Variants in TBCCD1 observed in about 807,000 individuals in gnomAD.
The protein encoded by TBCCD1 is TBCC domain-containing protein 1.
In TBCCD1, 26 loss-of-function variants were observed where a neutral mutation model predicts 53.4. That is an observed-to-expected ratio of 0.49 (90% CI 0.36 to 0.68). The LOEUF is 0.68. Among genes scored for constraint, TBCCD1 ranks in the 30% least tolerant of loss-of-function variants. The probability of loss-of-function intolerance (pLI) is 0.00; values close to 1 mark genes in which losing one functional copy is unlikely to be tolerated. For missense variants in TBCCD1, 558 were observed against 669.5 expected (o/e 0.83, Z 1.84); for synonymous variants, 245 against 241.7 (o/e 1.01, Z -0.13).
chr3:186,552,637 T>C (rs1714414115), intron 6 of TBCCD1, among the ~76,000 whole-genome samples: 1 of 152,210 alleles, frequency 6.6e-6, no homozygotes, highest in Admixed American at 6.5e-5. Flanking sequence ...CACACATTAC[T>C]CTCACTTCCA....
chr3:186,563,962 GTAAT>G, intron 2 of TBCCD1, 28 bp downstream of exon 2: 1 of 1,513,588 alleles, frequency 6.6e-7, no homozygotes, highest in Non-Finnish European at 8.8e-7. Flanking sequence ...CTTTCCAAAA[GTAAT>G]TAAGTATACA....
chr3:186,554,559 T>C lies in TBCCD1; in HGVS notation c.1239A>G (p.Thr413=), dbSNP rs1714472641. 6.2e-7 allele frequency: 1 copy of C among 1,614,232 alleles called. No individual in the cohort carries two copies. Among genetic ancestry groups the C allele is most frequent in the Non-Finnish European group, 8.5e-7 (1 of 1,180,040 alleles). ...GTGTATGAAAAGGGGCAAAAGTTAC[T>C]GTCTGGTTCCCAGAGAGAATAAGTG... ...TRPLILSGNQ[T]VTFAPFHTHY... is the part of the protein sequence containing the mutation. The change falls in exon 6 of 8, where the codon ACA becomes ACG. Residue 413 remains threonine, a synonymous_variant. Transcript: ENST00000338733.
chr3:186,563,958 A>T, intron 2 of TBCCD1, 36 bp downstream of exon 2: 1 of 1,508,684 alleles, frequency 6.6e-7, no homozygotes, highest in Non-Finnish European at 8.8e-7. Context: ...GTTTCTTTCC[A>T]AAAGTAATTA....
chr3:186,566,374 C>G (rs893577319), intron 1 of TBCCD1, among the ~76,000 whole-genome samples: 2 of 152,132 alleles, frequency 1.3e-5, no homozygotes, highest in African/African-American at 2.4e-5. Flanking sequence ...ATCATCTGTT[C>G]GGAAAAATAA....
chr3:186,570,461 G>T (rs1424051194), upstream of TBCCD1: 4 of 479,838 alleles, frequency 8.3e-6, no homozygotes, highest in East Asian at 3.4e-5. Flanking sequence ...CACTCTGACC[G>T]GCCCCCTATC....
intron 6 of TBCCD1, among the ~76,000 whole-genome samples, chr3:186,551,661 A>T (rs1400424374): frequency 6.6e-6 from 1 of 152,174 alleles, no homozygotes; most frequent in Admixed American, 6.5e-5. Context: ...TATATATTCT[A>T]GTAGGAAAGA....
At chr3:186,548,631 T>C (rs60878258) in intron 7 of TBCCD1, among the ~76,000 whole-genome samples, 3,831 of 152,350 alleles carry the variant, frequency 0.025, 155 homozygotes, top group African/African-American at 0.087. Flanking sequence ...AATTTCTTTA[T>C]ATTCTTTCAA....
chr3:186,564,976 G>C lies in TBCCD1; in HGVS notation c.-43-604C>G, dbSNP rs1298287140. On this transcript the variant is annotated intron_variant, in intron 1 of 7. Coordinates refer to ENST00000338733, the MANE Select transcript of TBCCD1 (RefSeq NM_018138.5). ...TGCTCAGTTCAGGTGTGATTTTTTA[G>C]ATTTTTTTTTGTTGTAACAATGATA... Among the ~76,000 whole-genome samples the C allele has an allele frequency of 2.6e-5, 4 of 151,916 alleles. No homozygotes were observed. The East Asian group carries it at 7.7e-4, about 29-fold the overall frequency.
At chr3:186,554,216 AC>A in intron 6 of TBCCD1, 37 bp downstream of exon 6, 1 of 1,600,244 alleles carries the variant, frequency 6.2e-7, no homozygotes, top group Non-Finnish European at 8.5e-7. Flanking sequence ...ATGGAGTTTC[AC>A]AAAAAACACA....
intron 4 of TBCCD1, 101 bp from the exon 5 acceptor site, chr3:186,555,185 A>G: frequency 1.8e-6 from 2 of 1,140,090 alleles, no homozygotes; most frequent in South Asian, 3.7e-5. Flanking sequence ...GTCTCAAATT[A>G]GATACCACAT....
intron 2 of TBCCD1, among the ~76,000 whole-genome samples, chr3:186,560,009 G>A (rs748652196): frequency 6.6e-6 from 1 of 152,042 alleles, no homozygotes; most frequent in Non-Finnish European, 1.5e-5. Context: ...AAGAACATTA[G>A]GTAAATAGAA....
upstream of TBCCD1, chr3:186,567,440 C>G (rs1714873144): frequency 6.6e-6 from 1 of 152,108 alleles, no homozygotes; most frequent in Non-Finnish European, 1.5e-5. Context: ...CGGCAGATTG[C>G]GGCTCAAGCG....
At position 186,555,078 on chromosome 3, in the gene TBCCD1, C is replaced by A. The variant is rs766686598; in HGVS notation, c.866G>T (p.Gly289Val). 1 of 1,591,552 alleles carries A rather than the reference C, an allele frequency of 6.3e-7. No individual in the cohort carries two copies. The highest frequency in any genetic ancestry group is 8.5e-7 in the Non-Finnish European group (1 of 1,170,738). The change falls in exon 5 of 8, where the codon GGG (glycine) becomes GTG (valine). Residue 289 changes from glycine (G) to valine (V), a missense_variant. Gly to Val is a moderately radical substitution (Grantham distance 109). Transcript: ENST00000338733. The part of the protein sequence containing the change: ...KKLAWAHQVE[G>V]TTKRAKIACN... ...AGCAATCTTAGCTCTTTTGGTGGTC[C>A]CTTCAACTATTTAAGAAAACATATA...
rs750634696 is a variant in TBCCD1 at position 186,564,266 on chromosome 3, C to A, written c.64G>T (p.Val22Phe). 5 of 1,614,016 alleles carry A rather than the reference C, an allele frequency of 3.1e-6. No individual in the cohort carries two copies. Among genetic ancestry groups the A allele is most frequent in the African/African-American group, 2.7e-5 (2 of 74,894 alleles). The stretch of plus-strand genomic sequence containing the variant: ...AGACTAAACTTGGATGGAGGGGGGA[C>A]CTGCAAGGCACCCACTATAAAGGGT... Reference protein sequence around the residue: ...AEPFIVGALQVPPPSKFSLHY... With the variant: ...AEPFIVGALQFPPPSKFSLHY... The change falls in exon 2 of 8, where the codon GTC (valine) becomes TTC (phenylalanine). Residue 22 changes from valine (V) to phenylalanine (F), a missense_variant. Coordinates refer to ENST00000338733, the MANE Select transcript of TBCCD1 (RefSeq NM_018138.5).
intron 3 of TBCCD1, among the ~76,000 whole-genome samples, chr3:186,557,187 C>A (rs1714568578): frequency 6.6e-6 from 1 of 152,194 alleles, no homozygotes; most frequent in Non-Finnish European, 1.5e-5. Flanking sequence ...ACCAAAGTCA[C>A]CATTTATTGG....
At position 186,546,431 on chromosome 3, in the gene TBCCD1, CTTCTGATGTTCTATAAGCAATATGT is replaced by C. The variant is rs1035145433; in HGVS notation, c.*521_*545del. 3.9e-5 allele frequency: 6 copies of C among 152,266 alleles called. No homozygotes were observed. Among genetic ancestry groups the C allele is most frequent in the Admixed American group, 2.0e-4 (3 of 15,298 alleles). 9.4% of individuals were successfully genotyped at this position (152,266 alleles called of 1,614,324 possible). On this transcript the variant is annotated 3_prime_UTR_variant, in exon 8 of 8. Transcript: ENST00000338733. ...TCATTTGGGCATCACAAAGACGAGTCTTCTGATGTTCTATAAGCAATATGTTTATATGAAAGTCAGAAGTTTAGCG... is the reference window on the plus strand; with the variant it reads ...TCATTTGGGCATCACAAAGACGAGTCTTATATGAAAGTCAGAAGTTTAGCG...
chr3:186,566,700 TAGAC>T (rs1277670294), intron 1 of TBCCD1, among the ~76,000 whole-genome samples: 5 of 152,152 alleles, frequency 3.3e-5, no homozygotes, highest in African/African-American at 7.2e-5. Flanking sequence ...TAAAGAGTCT[TAGAC>T]AGGAAGCCAG....
chr3:186,554,395 A>G lies in TBCCD1; in HGVS notation c.1403T>C (p.Val468Ala), dbSNP rs1335016842. Residue 468 changes from valine to alanine, a missense_variant, in exon 6 of 8, where the codon GTA (valine) becomes GCA (alanine). Coordinates refer to ENST00000338733, the MANE Select transcript of TBCCD1 (RefSeq NM_018138.5). ...FQLLPPCEFYVFIIPFEMEGD... is the reference protein window; with the variant it reads ...FQLLPPCEFYAFIIPFEMEGD... ...TTCCATTTCAAAGGGAATAATAAATACATAGAATTCACAAGGTGGTAAAAG... is the reference window on the plus strand; with the variant it reads ...TTCCATTTCAAAGGGAATAATAAATGCATAGAATTCACAAGGTGGTAAAAG... The G allele has an allele frequency of 2.5e-6, 4 of 1,614,116 alleles. No homozygotes were observed. Among genetic ancestry groups the G allele is most frequent in the Admixed American group, 3.3e-5 (2 of 60,012 alleles).
intron 2 of TBCCD1, among the ~76,000 whole-genome samples, chr3:186,562,506 G>T (rs1360710674): frequency 6.6e-6 from 1 of 152,118 alleles, no homozygotes; most frequent in East Asian, 1.9e-4. Flanking sequence ...ACAGACAGAA[G>T]GGTGACTGAC....
Sources: allele counts gnomAD v4.1 joint callset (sites outside exome capture counted in the v4.1 genomes callset), GRCh38; gene constraint gnomAD v4.1.1; transcripts MANE v1.5; gene names NCBI Gene and HGNC (gene_info 2026-07-23, HGNC 2026-07-21).